The following JHY variants were observed in gnomAD, a reference collection of about 807,000 sequenced individuals.
The protein encoded by JHY is junctional cadherin complex regulator.
A neutral mutation model predicts 78.0 loss-of-function variants in JHY; 69 were observed. The observed-to-expected ratio is 0.88, with a 90% confidence interval of 0.73 to 1.08. The LOEUF is 1.08. JHY is among the 50% of genes least tolerant of loss of function. The pLI, the probability that JHY is intolerant of heterozygous loss-of-function variation, is 0.00. For missense variants in JHY, 944 were observed against 927.8 expected (o/e 1.02, Z -0.23); for synonymous variants, 368 against 342.6 (o/e 1.07, Z -0.82).
chr11:122,916,368 CTA>C (rs1228657645), intron 3 of JHY, among the ~76,000 whole-genome samples: 4 of 152,016 alleles, frequency 2.6e-5, no homozygotes, highest in Admixed American at 6.5e-5. Flanking sequence ...AAAATGATAA[CTA>C]TATACCGTAA....
intron 3 of JHY, among the ~76,000 whole-genome samples, chr11:122,920,286 T>C (rs546998137): frequency 6.6e-6 from 1 of 152,342 alleles, no homozygotes; most frequent in South Asian, 2.1e-4. Context: ...GATGGTAAGC[T>C]AATACTACTT....
At chr11:122,899,117 C>T (rs1050951995) in intron 2 of JHY, among the ~76,000 whole-genome samples, 3 of 152,168 alleles carry the variant, frequency 2.0e-5, no homozygotes, top group African/African-American at 7.2e-5. Context: ...ACAGATCACT[C>T]CAAAGTGTCA....
chr11:122,923,879 G>A (rs1591384329), intron 3 of JHY, among the ~76,000 whole-genome samples: 1 of 144,832 alleles, frequency 6.9e-6, no homozygotes, highest in East Asian at 2.0e-4. Flanking sequence ...ACCACGCCTG[G>A]CTAATTTTTT....
intron 3 of JHY, among the ~76,000 whole-genome samples, chr11:122,922,460 A>G (rs1293822371): frequency 6.6e-6 from 1 of 152,204 alleles, no homozygotes; most frequent in African/African-American, 2.4e-5. Flanking sequence ...TTATCACTTA[A>G]TATTTAACAA....
Position 122,898,646 on chromosome 11 carries a change from A to G in JHY, c.345-5279A>G, listed in dbSNP as rs1250339997. 6.6e-6 allele frequency among the ~76,000 whole-genome samples: 1 copy of G among 152,206 alleles called. No homozygotes were observed. The highest frequency in any genetic ancestry group is 1.5e-5 in the Non-Finnish European group (1 of 68,032). ...CCCTGCTCTAAACAGTACAAAGTAG[A>G]GGATTACTTGTTCTAAGTTTTCCAA... is the stretch of plus-strand genomic sequence containing the variant. On this transcript the variant is annotated intron_variant, in intron 2 of 8. Transcript: ENST00000227349. This position sits in a 1 kb window ranked among gnomAD's most constrained non-coding sequence, Gnocchi z 4.4.
chr11:122,959,091 T>C (rs1056148687), intron 8 of JHY, 157 bp from the exon 9 acceptor site: 1 of 935,456 alleles, frequency 1.1e-6, no homozygotes, highest in African/African-American at 1.8e-5. Flanking sequence ...TTAAACTGTG[T>C]GTTATATTGC....
intron 7 of JHY, 25 bp from the exon 8 acceptor site, chr11:122,957,338 A>G: frequency 6.6e-7 from 1 of 1,511,010 alleles, no homozygotes; most frequent in East Asian, 2.6e-5. Context: ...ACCTGGATTC[A>G]TCATAACTTT....
intron 1 of JHY, among the ~76,000 whole-genome samples, chr11:122,884,965 ATTTTTTGTATTTTT>A (rs1271238228): frequency 7.1e-6 from 1 of 141,464 alleles, no homozygotes. Context: ...ATGCCCACTA[ATTTTTTGTATTTTT>A]TTTTTTTTTT....
chr11:122,933,499 A>G (rs548491238), intron 4 of JHY, among the ~76,000 whole-genome samples: 1 of 152,356 alleles, frequency 6.6e-6, no homozygotes, highest in East Asian at 1.9e-4. Context: ...TAGTGTATCT[A>G]TTATACCAGG....
intron 2 of JHY, among the ~76,000 whole-genome samples, chr11:122,902,302 A>T (rs1358657216): frequency 7.2e-6 from 1 of 139,436 alleles, no homozygotes; most frequent in East Asian, 2.1e-4. Context: ...ACTAAAAATT[A>T]AAAAAAAAAA....
At position 122,929,245 on chromosome 11, in the gene JHY, T is replaced by TG. The variant is rs562984692; in HGVS notation, c.978+4235_978+4236insG. Among the ~76,000 whole-genome samples the TG allele has an allele frequency of 3.9e-5, 6 of 151,944 alleles. No individual in the cohort carries two copies. The South Asian group carries it at 8.3e-4, about 21-fold the overall frequency. ...CCTGGCCAAGGTTGTTTTTTGTTTT[T>TG]TTTTTTTTTTAAAGCAGTACCTCCC... On this transcript the variant is annotated intron_variant, in intron 4 of 8. Coordinates refer to ENST00000227349, the MANE Select transcript of JHY (RefSeq NM_024806.4).
intron 3 of JHY, among the ~76,000 whole-genome samples, chr11:122,922,496 A>G (rs893733558): frequency 6.6e-6 from 1 of 152,190 alleles, no homozygotes; most frequent in Admixed American, 6.5e-5. Flanking sequence ...CTTATTGAAT[A>G]CAAGTCTGAA....
chr11:122,912,614 C>T (rs755183907), intron 3 of JHY, among the ~76,000 whole-genome samples: 43 of 151,918 alleles, frequency 2.8e-4, no homozygotes, highest in Non-Finnish European at 5.3e-4. Flanking sequence ...TGATGGGGCA[C>T]GCCTGTAGTC....
chr11:122,940,286 T>C (rs58586125), intron 5 of JHY, among the ~76,000 whole-genome samples: 4,762 of 152,116 alleles, frequency 0.031, 112 homozygotes, highest in East Asian at 0.11. Flanking sequence ...TGCAGTGAGC[T>C]GAGATCCTGC....
intron 3 of JHY, among the ~76,000 whole-genome samples, chr11:122,916,861 C>T (rs891507139): frequency 1.3e-5 from 2 of 152,030 alleles, no homozygotes; most frequent in Non-Finnish European, 2.9e-5. Context: ...AACTCCTGGC[C>T]TCAAGTGATG....
At chr11:122,926,201 A>AAAG (rs1863498183) in intron 4 of JHY, among the ~76,000 whole-genome samples, 2 of 89,638 alleles carry the variant, frequency 2.2e-5, no homozygotes, top group Non-Finnish European at 6.0e-5. Context: ...AAAAAAAAAA[A>AAAG]AAAAAGAAAA....
intron 6 of JHY, among the ~76,000 whole-genome samples, chr11:122,952,976 G>A (rs990280231): frequency 3.3e-5 from 5 of 152,164 alleles, no homozygotes; most frequent in South Asian, 4.1e-4. Context: ...AATTGGTAAA[G>A]GTTTTAAAAT....
intron 3 of JHY, among the ~76,000 whole-genome samples, chr11:122,911,022 A>G (rs1647087796): frequency 6.6e-6 from 1 of 152,206 alleles, no homozygotes; most frequent in African/African-American, 2.4e-5. Context: ...CTGGTGAATA[A>G]TCAGTTCTTA....
At chr11:122,956,969 T>G (rs111347132) in intron 7 of JHY, among the ~76,000 whole-genome samples, 32 of 152,310 alleles carry the variant, frequency 2.1e-4, no homozygotes, top group African/African-American at 5.5e-4. Flanking sequence ...ATCCACTTTA[T>G]TCTCTTTCCT....
Sources: gnomAD v4.1 joint callset for allele counts (sites outside exome capture counted in the v4.1 genomes callset) on GRCh38, gnomAD v4.1.1 for gene constraint, Gnocchi (gnomAD v3.1) non-coding constraint, MANE v1.5 for transcripts, NCBI Gene and HGNC (gene_info 2026-07-23, HGNC 2026-07-21) for gene names.